Variants in KALRN observed in about 807,000 individuals in gnomAD.
KALRN encodes kalirin.
A neutral mutation model predicts 353.7 loss-of-function variants in KALRN; 70 were observed. The ratio of observed to expected loss-of-function variants is 0.20; its 90% CI spans 0.16 to 0.24. The LOEUF (loss-of-function observed/expected upper bound fraction) is 0.24, where lower values mean the gene tolerates loss of function less well. Among genes scored for constraint, KALRN ranks in the 10% least tolerant of loss-of-function variants. KALRN has a pLI of 1.00. For synonymous variants in KALRN, 1,391 were observed against 1,434.8 expected, an observed-to-expected ratio of 0.97 and a Z score of 0.69; for missense variants, 2,791 against 3,756.7, an observed-to-expected ratio of 0.74 and a Z score of 6.72.
Position 124,422,975 on chromosome 3 carries a change from A to G in KALRN, c.2706A>G (p.Lys902=). The G allele has an allele frequency of 6.2e-7, 1 of 1,613,548 alleles. No homozygotes were observed. Among genetic ancestry groups the G allele is most frequent in the Non-Finnish European group, 8.5e-7 (1 of 1,179,628 alleles). ...TACGTCACCTCCAGGCTGAAGTCAA[A>G]CAGGTAAGCCCAGCCCTTCTTCCTT... ...LQLRHLQAEV[K]QVLGWIRNGE... Residue 902 remains lysine (K), a synonymous_variant, in exon 15 of 60, where the codon AAA becomes AAG. Transcript: ENST00000682506.
At chr3:124,659,214 C>T in intron 42 of KALRN, 151 bp from the exon 43 acceptor site, 3 of 658,026 alleles carry the variant, frequency 4.6e-6, no homozygotes, top group Non-Finnish European at 8.3e-6. Context: ...AGTGAACAGT[C>T]CTCTAGGCAA....
intron 1 of KALRN, among the ~76,000 whole-genome samples, chr3:124,057,975 T>C (rs1220761297): frequency 1.3e-5 from 2 of 152,260 alleles, no homozygotes; most frequent in Non-Finnish European, 1.5e-5. Flanking sequence ...GGATTTACAG[T>C]TCCACAATTA....
At chr3:124,432,430 T>C (rs148225114) in intron 16 of KALRN, among the ~76,000 whole-genome samples, 1 of 151,994 alleles carries the variant, frequency 6.6e-6, no homozygotes, top group African/African-American at 2.4e-5. Flanking sequence ...AAAAAAAGAA[T>C]TGGGCACATA....
At chr3:124,691,885 G>A (rs1027129935) in intron 51 of KALRN, among the ~76,000 whole-genome samples, 38 of 152,062 alleles carry the variant, frequency 2.5e-4, no homozygotes, top group Admixed American at 7.2e-4. Context: ...GCCATGCCTC[G>A]AAACCTTTTC....
Position 124,633,766 on chromosome 3 carries a change from C to G in KALRN, c.5467-86C>G. On this transcript the variant is annotated intron_variant, in intron 35 of 59. Transcript: ENST00000682506. ...GTGAGTTGAGAGAGGAACTCTCCTCCTATGTATTATTTTTGTTAATGTCAA... is the reference window on the plus strand; with the variant it reads ...GTGAGTTGAGAGAGGAACTCTCCTCGTATGTATTATTTTTGTTAATGTCAA... 2.7e-6 allele frequency: 3 copies of G among 1,105,974 alleles called. No homozygotes were observed. The South Asian group carries it at 4.2e-5, about 15-fold the overall frequency. The allele number at this position is 1,105,974 out of a possible 1,614,324, so 68.5% of individuals were successfully genotyped here.
chr3:124,480,084 T>G (rs2108181271), intron 27 of KALRN, among the ~76,000 whole-genome samples: 1 of 152,302 alleles, frequency 6.6e-6, no homozygotes, highest in Admixed American at 6.5e-5. Flanking sequence ...GTTTGACTGA[T>G]GTAGGCCCCT....
At chr3:124,066,871 A>C (rs565563472) in intron 1 of KALRN, among the ~76,000 whole-genome samples, 1 of 152,310 alleles carries the variant, frequency 6.6e-6, no homozygotes, top group East Asian at 1.9e-4. Flanking sequence ...TTTAGGAGAC[A>C]CAGTTTTCTC....
intron 33 of KALRN, among the ~76,000 whole-genome samples, chr3:124,530,919 A>G (rs1257715336): frequency 6.6e-6 from 1 of 152,210 alleles, no homozygotes. Context: ...AAGTTTTGCT[A>G]TGGTAACAAC....
At chr3:124,285,969 C>T (rs370353583) in intron 5 of KALRN, among the ~76,000 whole-genome samples, 19 of 152,040 alleles carry the variant, frequency 1.2e-4, no homozygotes, top group African/African-American at 3.4e-4. Flanking sequence ...TTGTATTGGA[C>T]GGCACTGTAC....
At chr3:124,214,370 G>C (rs140599606) in intron 1 of KALRN, among the ~76,000 whole-genome samples, 191 of 152,240 alleles carry the variant, frequency 1.3e-3, no homozygotes, top group Non-Finnish European at 2.2e-3. Context: ...GGTTGTTTCT[G>C]ATTTTTTGAA....
At chr3:124,589,899 T>A (rs934909986) in intron 34 of KALRN, among the ~76,000 whole-genome samples, 1 of 152,184 alleles carries the variant, frequency 6.6e-6, no homozygotes, top group Non-Finnish European at 1.5e-5. Context: ...TTGTCAGAGT[T>A]TGGTGAATCT....
At position 124,101,160 on chromosome 3, in the gene KALRN, C is replaced by T. The variant is rs996936131; in HGVS notation, c.73+67347C>T. 3.9e-5 allele frequency among the ~76,000 whole-genome samples: 6 copies of T among 152,318 alleles called. 1 individual carries two copies. In the South Asian group the frequency reaches 1.2e-3, roughly 32 times the overall value. ...CAATGACTTTCTAGATAAACCTTGA[C>T]TTTCCTTCATATTCCCAGAAAAGCA... is the stretch of plus-strand genomic sequence containing the variant. On this transcript the variant is annotated intron_variant, in intron 1 of 59. Coordinates refer to ENST00000682506, the MANE Select transcript of KALRN (RefSeq NM_001388419.1).
Position 124,278,267 on chromosome 3 carries a change from G to A in KALRN, c.969+9012G>A, listed in dbSNP as rs187811515. 1.1e-4 allele frequency among the ~76,000 whole-genome samples: 17 copies of A among 152,180 alleles called. No homozygotes were observed. The East Asian group carries it at 2.7e-3, about 24-fold the overall frequency. On this transcript the variant is annotated intron_variant, in intron 5 of 59. Transcript: ENST00000682506. The stretch of plus-strand genomic sequence containing the variant: ...ACTCCAGTGGCTAGAACCCAGGTGA[G>A]TTAAGATATCAAGGTCTCTGTTGCT...
At chr3:124,088,340 T>C (rs1045829349) in intron 1 of KALRN, among the ~76,000 whole-genome samples, 1 of 152,212 alleles carries the variant, frequency 6.6e-6, no homozygotes. Flanking sequence ...GGAGATCAGA[T>C]GAGTTGGGGC....
chr3:124,330,287 C>CA (rs2080409526), intron 8 of KALRN, among the ~76,000 whole-genome samples: 5 of 144,974 alleles, frequency 3.4e-5, no homozygotes, highest in East Asian at 2.0e-4. Context: ...CACACACACA[C>CA]CCCATACACC....
chr3:124,700,750 T>C (rs1260237852), intron 56 of KALRN, among the ~76,000 whole-genome samples: 1 of 152,088 alleles, frequency 6.6e-6, no homozygotes. Flanking sequence ...GGCAGCTGAC[T>C]GTACTCGAAA....
chr3:124,642,806 G>GTTGTTTTTTTGTTTTTTTTTTTTTT (rs796628603), intron 37 of KALRN, among the ~76,000 whole-genome samples: 1 of 96,820 alleles, frequency 1.0e-5, no homozygotes, highest in East Asian at 4.8e-4. Flanking sequence ...CCCAAGCCTC[G>GTTGTTTTTTTGTTTTTTTTTTTTTT]TTTTTTTTTT....
chr3:124,705,997 G>C (rs1309162502), intron 57 of KALRN, among the ~76,000 whole-genome samples: 2 of 151,880 alleles, frequency 1.3e-5, no homozygotes, highest in African/African-American at 2.4e-5. Context: ...CTGCATCCTT[G>C]ACCTCCTGGG....
intron 5 of KALRN, among the ~76,000 whole-genome samples, chr3:124,298,188 G>A (rs766580443): frequency 2.6e-5 from 4 of 152,142 alleles, no homozygotes; most frequent in Non-Finnish European, 4.4e-5. Context: ...GGAGGAAGAT[G>A]GCTTAATGCC....
Sources: allele counts gnomAD v4.1 joint callset (sites outside exome capture counted in the v4.1 genomes callset), GRCh38; gene constraint gnomAD v4.1.1; transcripts MANE v1.5; gene names NCBI Gene and HGNC (gene_info 2026-07-23, HGNC 2026-07-21).